The following FBXL2 variants were observed in gnomAD, a reference collection of about 807,000 sequenced individuals.
FBXL2 encodes F-box/LRR-repeat protein 2.
Under a neutral mutation model 69.2 loss-of-function variants are expected in FBXL2, and 38 were observed. The observed-to-expected ratio is 0.55, with a 90% confidence interval of 0.42 to 0.72. The LOEUF (loss-of-function observed/expected upper bound fraction) is 0.72, where lower values mean the gene tolerates loss of function less well. Among genes scored for constraint, FBXL2 ranks in the 30% least tolerant of loss-of-function variants. The pLI is 0.00. For missense variants in FBXL2, 354 were observed against 520.3 expected, an observed-to-expected ratio of 0.68 and a Z score of 3.11; for synonymous variants, 192 against 201.3, an observed-to-expected ratio of 0.95 and a Z score of 0.39.
At chr3:33,345,027 GA>G (rs1485048755) in intron 2 of FBXL2, among the ~76,000 whole-genome samples, 2 of 152,162 alleles carry the variant, frequency 1.3e-5, no homozygotes, top group Non-Finnish European at 2.9e-5. Context: ...TAGAAACAAT[GA>G]AAGTCTTATG....
the FBXL2 span, among the ~76,000 whole-genome samples, chr3:33,417,031 A>C: frequency 3.6e-4 from 55 of 152,330 alleles, no homozygotes; most frequent in African/African-American, 1.3e-3. Flanking sequence ...ATTACAGGAG[A>C]CAAGAGTTTC....
intron 2 of FBXL2, among the ~76,000 whole-genome samples, chr3:33,329,572 ATAT>A (rs2038991265): frequency 6.6e-6 from 1 of 151,952 alleles, no homozygotes; most frequent in South Asian, 2.1e-4. Context: ...ACATAATGGA[ATAT>A]TATTTAGCCA....
chr3:33,381,828 T>C (rs1428738981), intron 13 of FBXL2, among the ~76,000 whole-genome samples: 1 of 152,202 alleles, frequency 6.6e-6, no homozygotes, highest in African/African-American at 2.4e-5. Flanking sequence ...CAGCATTGAT[T>C]ACATAAATAC....
At chr3:33,297,923 GTA>G (rs1205514593) in intron 2 of FBXL2, 198 bp downstream of exon 2, 6 of 629,030 alleles carry the variant, frequency 9.5e-6, no homozygotes, top group African/African-American at 9.1e-5. Context: ...AATGTACTAA[GTA>G]TGTACATAGC....
At chr3:33,416,571 G>C in the FBXL2 span, among the ~76,000 whole-genome samples, 3 of 152,076 alleles carry the variant, frequency 2.0e-5, no homozygotes, top group Non-Finnish European at 4.4e-5. Context: ...ATTTCCAAGG[G>C]TCTTTCAAAA....
At chr3:33,378,312 C>T (rs578184551) in intron 12 of FBXL2, among the ~76,000 whole-genome samples, 165 bp downstream of exon 12, 17 of 152,318 alleles carry the variant, frequency 1.1e-4, no homozygotes, top group African/African-American at 3.8e-4. Flanking sequence ...GATGCGTGAA[C>T]TTTTGGCCAT....
Position 33,305,425 on chromosome 3 carries a change from T to C in FBXL2, c.65+7700T>C, listed in dbSNP as rs575310691. On this transcript the variant is annotated intron_variant, in intron 2 of 14. Coordinates refer to ENST00000484457, the MANE Select transcript of FBXL2 (RefSeq NM_012157.5). ...ATCACCTCTGTCATGTATTTATGAG[T>C]CTATTTCTAGTATTTAGTATTTTCT... Among the ~76,000 whole-genome samples the C allele has an allele frequency of 1.1e-4, 16 of 152,112 alleles. No individual in the cohort carries two copies. In the South Asian group the frequency reaches 3.3e-3, roughly 32 times the overall value.
rs76281915 is a variant in FBXL2, at chr3:33,381,764, A to G, written c.952-2225A>G. On this transcript the variant is annotated intron_variant, in intron 13 of 14. Transcript: ENST00000484457. ...ATTTACCAATTTTAAACAGCCTCCT[A>G]AAGAACCAGTTTTCTGGCTTTACTC... 2.1e-3 allele frequency among the ~76,000 whole-genome samples: 326 copies of G among 152,304 alleles called. 6 individuals carry two copies. The East Asian group carries it at 0.058, about 27-fold the overall frequency.
chr3:33,399,765 C>T (rs1017372649), intron 12 of FBXL2, among the ~76,000 whole-genome samples: 8 of 152,124 alleles, frequency 5.3e-5, no homozygotes, highest in East Asian at 1.9e-4. Flanking sequence ...CCATAACATA[C>T]GTTGTGCCAA....
chr3:33,328,777 GT>G (rs2038911713), intron 2 of FBXL2, among the ~76,000 whole-genome samples: 1 of 150,088 alleles, frequency 6.7e-6, no homozygotes, highest in Non-Finnish European at 1.5e-5. Flanking sequence ...CAGGACGTTG[GT>G]TTGGGCAAAT....
the FBXL2 span, chr3:33,409,139 A>C: frequency 8.4e-7 from 1 of 1,193,566 alleles, no homozygotes; most frequent in Non-Finnish European, 1.2e-6. Flanking sequence ...ACTGCCACCC[A>C]ATCTTCCCCA....
chr3:33,308,201 C>T (rs1028636762), intron 2 of FBXL2, among the ~76,000 whole-genome samples: 6 of 152,078 alleles, frequency 3.9e-5, no homozygotes, highest in Admixed American at 2.6e-4. Context: ...TGGTTTACTT[C>T]CTATCTAAGA....
intron 2 of FBXL2, among the ~76,000 whole-genome samples, chr3:33,320,447 A>T (rs2038094515): frequency 6.6e-6 from 1 of 152,090 alleles, no homozygotes; most frequent in Non-Finnish European, 1.5e-5. Context: ...ATTTAGAAAA[A>T]GTATTGGAGG....
At chr3:33,412,610 A>T in the FBXL2 span, 1 of 730,776 alleles carries the variant, frequency 1.4e-6, no homozygotes, top group South Asian at 1.8e-5. Flanking sequence ...CACAAAATCC[A>T]CAAACACCAA....
intron 2 of FBXL2, among the ~76,000 whole-genome samples, chr3:33,357,720 G>A (rs1316487968): frequency 1.3e-5 from 2 of 151,842 alleles, no homozygotes; most frequent in South Asian, 4.2e-4. Flanking sequence ...TAGTAGAGAT[G>A]GGGTTTCACC....
At chr3:33,300,042 G>T (rs1449520569) in intron 2 of FBXL2, among the ~76,000 whole-genome samples, 3 of 152,080 alleles carry the variant, frequency 2.0e-5, no homozygotes, top group Non-Finnish European at 4.4e-5. Flanking sequence ...TCTAGAGTGG[G>T]CATCAAGCTG....
intron 2 of FBXL2, among the ~76,000 whole-genome samples, chr3:33,331,697 C>G (rs1210690514): frequency 1.3e-5 from 2 of 152,120 alleles, no homozygotes; most frequent in African/African-American, 4.8e-5. Flanking sequence ...GATTCCTGAG[C>G]TTTCCACACC....
At chr3:33,305,584 T>C (rs1230005316) in intron 2 of FBXL2, among the ~76,000 whole-genome samples, 1 of 151,982 alleles carries the variant, frequency 6.6e-6, no homozygotes, top group African/African-American at 2.4e-5. Flanking sequence ...AGTTGAGCAG[T>C]ATGCACGTGT....
chr3:33,404,197 G>T (rs1456155429), downstream of FBXL2, among the ~76,000 whole-genome samples: 1 of 152,184 alleles, frequency 6.6e-6, no homozygotes, highest in African/African-American at 2.4e-5. Flanking sequence ...TGGATCATGA[G>T]GTCAGGAGAT....
Sources: allele counts gnomAD v4.1 joint callset (sites outside exome capture counted in the v4.1 genomes callset), GRCh38; gene constraint gnomAD v4.1.1; transcripts MANE v1.5; gene names NCBI Gene and HGNC (gene_info 2026-07-23, HGNC 2026-07-21).